SORCS3: variants seen among roughly 807,000 people sequenced by gnomAD.
The protein encoded by SORCS3 is VPS10 domain-containing receptor SorCS3.
SORCS3 carries 57 observed loss-of-function variants against 146.3 expected under a neutral mutation model. The observed-to-expected ratio is 0.39, with a 90% CI of 0.31 to 0.49. SORCS3 has a LOEUF of 0.49. SORCS3 is among the 20% of genes least tolerant of loss of function. The pLI is 0.92. For synonymous variants in SORCS3, 653 were observed against 618.5 expected, an observed-to-expected ratio of 1.06 and a Z score of -0.83; for missense variants, 1,341 against 1,575.5, an observed-to-expected ratio of 0.85 and a Z score of 2.52.
chr10:104,872,373 T>C (rs1413217313), intron 2 of SORCS3, among the ~76,000 whole-genome samples: 1 of 152,116 alleles, frequency 6.6e-6, no homozygotes, highest in Non-Finnish European at 1.5e-5. Context: ...CTAAGTATTT[T>C]TGAGAATCTA....
chr10:104,908,929 G>A (rs879888009), intron 2 of SORCS3, among the ~76,000 whole-genome samples: 1 of 152,174 alleles, frequency 6.6e-6, no homozygotes, highest in Non-Finnish European at 1.5e-5. Context: ...TGTTTGACCT[G>A]ATGTGGCAGC....
At chr10:105,187,678 T>C (rs1196057960) in intron 14 of SORCS3, among the ~76,000 whole-genome samples, 4 of 152,212 alleles carry the variant, frequency 2.6e-5, no homozygotes, top group Non-Finnish European at 4.4e-5. Flanking sequence ...ACTGAACTCT[T>C]ATAGGAACAC....
intron 1 of SORCS3, among the ~76,000 whole-genome samples, chr10:104,833,178 G>A (rs367669680): frequency 1.6e-4 from 24 of 152,284 alleles, no homozygotes; most frequent in African/African-American, 4.3e-4. Context: ...ACACCATGAC[G>A]GTGACTAGCG....
At chr10:105,222,162 G>A (rs1169079244) in intron 19 of SORCS3, among the ~76,000 whole-genome samples, 1 of 145,438 alleles carries the variant, frequency 6.9e-6, no homozygotes, top group Middle Eastern at 3.8e-3. Flanking sequence ...GGGTTCAAGT[G>A]ATTCTCCTGC....
chr10:104,791,209 C>A (rs1007009538), intron 1 of SORCS3, among the ~76,000 whole-genome samples: 1 of 152,070 alleles, frequency 6.6e-6, no homozygotes, highest in Non-Finnish European at 1.5e-5. Context: ...GAGGAGGGGG[C>A]CTGTGGTGGA....
intron 2 of SORCS3, among the ~76,000 whole-genome samples, chr10:104,910,748 GAC>G (rs1340790337): frequency 6.6e-6 from 1 of 152,258 alleles, no homozygotes; most frequent in African/African-American, 2.4e-5. Flanking sequence ...AAGGGATAGA[GAC>G]ACACATGTGT....
intron 11 of SORCS3, among the ~76,000 whole-genome samples, chr10:105,162,708 C>T (rs755705951): frequency 1.3e-5 from 2 of 152,108 alleles, no homozygotes; most frequent in African/African-American, 2.4e-5. Flanking sequence ...TCCATCTAGT[C>T]GAGCTTTGAA....
At chr10:104,904,411 T>A (rs2018882230) in intron 2 of SORCS3, among the ~76,000 whole-genome samples, 1 of 152,202 alleles carries the variant, frequency 6.6e-6, no homozygotes, top group Non-Finnish European at 1.5e-5. Flanking sequence ...TCCTTTGAAC[T>A]AGTAATTACA....
In SORCS3 at chr10:104,869,471, C is replaced by G. The variant is rs1385397380; in HGVS notation, c.695+26612C>G. Among the ~76,000 whole-genome samples the G allele has an allele frequency of 2.0e-5, 3 of 152,166 alleles. No individual in the cohort carries two copies. The East Asian group carries it at 5.8e-4, about 29-fold the overall frequency. On this transcript the variant is annotated intron_variant, in intron 2 of 26. Transcript: ENST00000369701. ...AGGGCCATGTGCCTGACTTAGTTTA[C>G]CAATTCAAATGCTAATCTCTTCTGG... is the stretch of plus-strand genomic sequence containing the variant.
chr10:105,102,946 C>T (rs1466413392), intron 6 of SORCS3, among the ~76,000 whole-genome samples: 1 of 151,860 alleles, frequency 6.6e-6, no homozygotes, highest in African/African-American at 2.4e-5. Context: ...CATGCTACCA[C>T]ACCCAGCTAG....
At chr10:104,667,824 G>C (rs771965248) in intron 1 of SORCS3, among the ~76,000 whole-genome samples, 34 of 152,186 alleles carry the variant, frequency 2.2e-4, no homozygotes, top group Non-Finnish European at 4.4e-4. Context: ...CTGTAGGATG[G>C]TGTCAGCTTA....
At chr10:105,146,040 G>A (rs1263185628) in intron 8 of SORCS3, among the ~76,000 whole-genome samples, 2 of 152,058 alleles carry the variant, frequency 1.3e-5, no homozygotes, top group Non-Finnish European at 2.9e-5. Flanking sequence ...TGATTATTAA[G>A]TTACAGTCAA....
At chr10:104,738,109 C>T (rs138022873) in intron 1 of SORCS3, among the ~76,000 whole-genome samples, 6 of 152,078 alleles carry the variant, frequency 3.9e-5, no homozygotes, top group African/African-American at 7.2e-5. Flanking sequence ...TATTTCTGAG[C>T]GCTCTGTTCT....
intron 3 of SORCS3, among the ~76,000 whole-genome samples, chr10:104,967,549 A>G (rs1370589362): frequency 6.6e-6 from 1 of 151,982 alleles, no homozygotes; most frequent in African/African-American, 2.4e-5. Context: ...ACCTCTTGCA[A>G]TTTTCTCCAC....
At chr10:105,072,481 G>A (rs2055562708) in intron 5 of SORCS3, among the ~76,000 whole-genome samples, 1 of 152,058 alleles carries the variant, frequency 6.6e-6, no homozygotes, top group South Asian at 2.1e-4. Context: ...CCCTTCCCAG[G>A]CTGATGGATA....
In SORCS3 at chr10:104,920,955, C is replaced by T. The variant is rs571902061; in HGVS notation, c.795+5023C>T. On this transcript the variant is annotated intron_variant, in intron 3 of 26. Coordinates refer to ENST00000369701, the MANE Select transcript of SORCS3 (RefSeq NM_014978.3). ...AGCCATTGGCCAATTAACTCATTGC[C>T]CAGGTTTGAGCCCAACTTCCTTATG... 2.0e-5 allele frequency among the ~76,000 whole-genome samples: 3 copies of T among 152,244 alleles called. No homozygotes were observed. In the South Asian group the frequency reaches 6.2e-4, roughly 32 times the overall value.
chr10:105,050,013 A>T (rs1339332727), intron 5 of SORCS3, among the ~76,000 whole-genome samples: 1 of 146,882 alleles, frequency 6.8e-6, no homozygotes, highest in African/African-American at 2.6e-5. Context: ...ATATGTGTAT[A>T]TGTGTATGTG....
At chr10:105,007,522 T>C (rs1589591191) in intron 4 of SORCS3, among the ~76,000 whole-genome samples, 3 of 152,218 alleles carry the variant, frequency 2.0e-5, no homozygotes, top group Admixed American at 2.0e-4. Context: ...GAAGTAACTT[T>C]TCCAAGATGA....
chr10:104,716,708 C>A (rs910813049), intron 1 of SORCS3, among the ~76,000 whole-genome samples: 36 of 152,296 alleles, frequency 2.4e-4, no homozygotes, highest in African/African-American at 8.7e-4. Context: ...TCCTCCAGGA[C>A]CTTTAAGATC....
Sources: gnomAD v4.1 joint callset for allele counts (sites outside exome capture counted in the v4.1 genomes callset) on GRCh38, gnomAD v4.1.1 for gene constraint, MANE v1.5 for transcripts, NCBI Gene and HGNC (gene_info 2026-07-23, HGNC 2026-07-21) for gene names.